Variants in USP8 observed in about 807,000 individuals in gnomAD.
The protein encoded by USP8 is ubiquitin carboxyl-terminal hydrolase 8.
In USP8, 27 loss-of-function variants were observed where a neutral mutation model predicts 130.0. The ratio of observed to expected loss-of-function variants is 0.21; its 90% CI spans 0.15 to 0.29. The LOEUF (loss-of-function observed/expected upper bound fraction) is 0.29, where lower values mean the gene tolerates loss of function less well. USP8 is among the 10% of genes least tolerant of loss of function. The pLI, the probability that USP8 is intolerant of heterozygous loss-of-function variation, is 1.00. For missense variants in USP8, 1,029 were observed against 1,312.2 expected, an observed-to-expected ratio of 0.78 and a Z score of 3.33; for synonymous variants, 392 against 444.1, an observed-to-expected ratio of 0.88 and a Z score of 1.48.
At chr15:50,439,500 C>T (rs952249134) in intron 2 of USP8, among the ~76,000 whole-genome samples, 3 of 152,018 alleles carry the variant, frequency 2.0e-5, no homozygotes, top group African/African-American at 7.2e-5. Flanking sequence ...AAAAATAATT[C>T]CTTTTTGGCC....
chr15:50,460,017 G>C (rs1391865689), intron 5 of USP8, among the ~76,000 whole-genome samples: 23 of 49,794 alleles, frequency 4.6e-4, no homozygotes, highest in African/African-American at 1.4e-3. Flanking sequence ...TTTTTTTTGA[G>C]ACAGAGTCTC....
At chr15:50,446,723 A>T (rs2050453122) in intron 3 of USP8, among the ~76,000 whole-genome samples, 1 of 152,216 alleles carries the variant, frequency 6.6e-6, no homozygotes, top group Non-Finnish European at 1.5e-5. Context: ...CAGCCAAACA[A>T]AGCATGATCT....
intron 2 of USP8, among the ~76,000 whole-genome samples, chr15:50,440,956 A>G (rs62019076): frequency 0.15 from 22,191 of 151,492 alleles, 2,046 homozygotes; most frequent in Middle Eastern, 0.27. Flanking sequence ...GAGCCAAGAT[A>G]GCCCATTGCA....
intron 4 of USP8, among the ~76,000 whole-genome samples, chr15:50,454,103 A>G (rs2050712393): frequency 6.6e-6 from 1 of 152,042 alleles, no homozygotes; most frequent in African/African-American, 2.4e-5. Context: ...ACTTCAGGTG[A>G]TCCGCCTGCC....
chr15:50,475,576 TAC>T (rs1001012519), intron 8 of USP8, among the ~76,000 whole-genome samples: 3 of 151,956 alleles, frequency 2.0e-5, no homozygotes, highest in African/African-American at 7.3e-5. Flanking sequence ...CACATATATG[TAC>T]ACACACACAT....
chr15:50,449,682 C>T (rs1439226269), intron 4 of USP8, among the ~76,000 whole-genome samples, 197 bp downstream of exon 4: 2 of 151,588 alleles, frequency 1.3e-5, no homozygotes, highest in Admixed American at 1.3e-4. Flanking sequence ...CCTGGGTTCA[C>T]GCCATTCTCC....
At chr15:50,467,418 G>A (rs2051229104) in intron 7 of USP8, among the ~76,000 whole-genome samples, 1 of 152,184 alleles carries the variant, frequency 6.6e-6, no homozygotes, top group African/African-American at 2.4e-5. Flanking sequence ...TAGTTTAAAG[G>A]AGTTTCAGTT....
intron 10 of USP8, among the ~76,000 whole-genome samples, chr15:50,478,832 G>C (rs1160262784): frequency 6.6e-6 from 1 of 152,070 alleles, no homozygotes; most frequent in African/African-American, 2.4e-5. Context: ...AGGCAGGTGG[G>C]TCACCTGAGG....
chr15:50,455,542 C>T (rs550072355), intron 4 of USP8, among the ~76,000 whole-genome samples: 23 of 152,352 alleles, frequency 1.5e-4, no homozygotes, highest in South Asian at 6.2e-4. Context: ...ATCTTAGAGT[C>T]AGTGTGCAGC....
At chr15:50,436,740 G>C (rs1460640704) in intron 1 of USP8, among the ~76,000 whole-genome samples, 1 of 152,110 alleles carries the variant, frequency 6.6e-6, no homozygotes, top group Non-Finnish European at 1.5e-5. Flanking sequence ...TGTGATCTCA[G>C]CTCACTGCAA....
At position 50,485,550 on chromosome 15, in the gene USP8, A is replaced by ATTTTTTTTTTTTTTTTTTTTTTTTT. The variant is rs71424071; in HGVS notation, c.1890+1198_1890+1222dup. 2.9e-4 allele frequency among the ~76,000 whole-genome samples: 8 copies of ATTTTTTTTTTTTTTTTTTTTTTTTT among 27,942 alleles called. 2 individuals carry two copies. Among genetic ancestry groups the ATTTTTTTTTTTTTTTTTTTTTTTTT allele is most frequent in the Admixed American group, 1.6e-3 (2 of 1,246 alleles). 18.3% of individuals were successfully genotyped at this position (27,942 alleles called of 152,430 possible). Reference sequence around the variant, plus strand: ...CCCATTTTTAGCATGCAGTTTAGTGATTTTTTTTTTTTTTTTTTTTTTTTT... The same window carrying ATTTTTTTTTTTTTTTTTTTTTTTTT: ...CCCATTTTTAGCATGCAGTTTAGTGATTTTTTTTTTTTTTTTTTTTTTTTTTTTTTTTTTTTTTTTTTTTTTTTTT... On this transcript the variant is annotated intron_variant, in intron 12 of 19. Transcript: ENST00000307179.
rs1447221980 is a variant in USP8, at chr15:50,499,171, A to G, written c.*83A>G. ...AATGCTTATCAGGATAATGGTAGCTATAGCTGGCCATTTAGAGGAATTCTA... is the reference window on the plus strand; with the variant it reads ...AATGCTTATCAGGATAATGGTAGCTGTAGCTGGCCATTTAGAGGAATTCTA... On this transcript the variant is annotated 3_prime_UTR_variant, in exon 20 of 20. Transcript: ENST00000307179. 3 of 1,370,598 alleles carry G rather than the reference A, an allele frequency of 2.2e-6. No homozygotes were observed. The highest frequency in any genetic ancestry group is 2.0e-6 in the Non-Finnish European group (2 of 1,024,942). 84.9% of individuals were successfully genotyped at this position (1,370,598 alleles called of 1,614,324 possible).
rs1252614380 is a variant in USP8, at chr15:50,459,987, A to ACC, written c.498+833_498+834dup. Among the ~76,000 whole-genome samples the ACC allele has an allele frequency of 1.4e-3, 109 of 80,164 alleles. 1 individual carries two copies. Among genetic ancestry groups the ACC allele is most frequent in the African/African-American group, 4.9e-3 (87 of 17,656 alleles). The allele number at this position is 80,164 out of a possible 152,430, so 52.6% of individuals were successfully genotyped here. A position where few individuals can be genotyped will look rare whatever the true frequency, so the allele number is the denominator to read the frequency against. ...CTTCTTTTTCTCCCCCAGTTCCCCC[A>ACC]CCCCCCCCCTTTTTTTTTTTTTTTT... On this transcript the variant is annotated intron_variant, in intron 5 of 19. Coordinates refer to ENST00000307179, the MANE Select transcript of USP8 (RefSeq NM_005154.5).
intron 3 of USP8, among the ~76,000 whole-genome samples, chr15:50,445,531 G>A (rs145500028): frequency 0.18 from 9,067 of 50,340 alleles, 710 homozygotes; most frequent in African/African-American, 0.36. Flanking sequence ...GGGCGACAGA[G>A]CAAGAGTCTG....
At chr15:50,476,119 C>T (rs1475577907) in intron 8 of USP8, among the ~76,000 whole-genome samples, 2 of 152,094 alleles carry the variant, frequency 1.3e-5, no homozygotes, top group Non-Finnish European at 2.9e-5. Context: ...ACGATTGACT[C>T]AGTTTTGGGG....
At chr15:50,464,927 G>T (rs1487219165) in intron 6 of USP8, 120 bp from the exon 7 acceptor site, 1 of 965,742 alleles carries the variant, frequency 1.0e-6, no homozygotes, top group Non-Finnish European at 1.5e-6. Context: ...TAAATATGTG[G>T]CATCCATATA....
chr15:50,498,453 A>C, intron 18 of USP8, 143 bp from the exon 19 acceptor site: 2 of 1,094,574 alleles, frequency 1.8e-6, no homozygotes, highest in Non-Finnish European at 2.5e-6. Flanking sequence ...AATGTCTTTA[A>C]CAGGTTCCTC....
chr15:50,496,447 C>T (rs1595992756), intron 17 of USP8, among the ~76,000 whole-genome samples: 2 of 143,766 alleles, frequency 1.4e-5, no homozygotes, highest in African/African-American at 5.2e-5. Flanking sequence ...CGCCACTGCA[C>T]TCCAGCCTAG....
chr15:50,427,497 G>A (rs1039333852), intron 1 of USP8, among the ~76,000 whole-genome samples: 1 of 150,784 alleles, frequency 6.6e-6, no homozygotes, highest in African/African-American at 2.4e-5. Context: ...AAATTTATTA[G>A]TACTGAATGA....
Sources: gnomAD v4.1 joint callset for allele counts (sites outside exome capture counted in the v4.1 genomes callset) on GRCh38, gnomAD v4.1.1 for gene constraint, MANE v1.5 for transcripts, NCBI Gene and HGNC (gene_info 2026-07-23, HGNC 2026-07-21) for gene names.